Variants in SRRM1 observed in about 807,000 individuals in gnomAD.
SRRM1 encodes the protein serine/arginine repetitive matrix protein 1.
In SRRM1, 19 loss-of-function variants were observed where a neutral mutation model predicts 110.2. The observed-to-expected ratio is 0.17, with a 90% confidence interval of 0.12 to 0.25. SRRM1 has a LOEUF of 0.25. Among genes scored for constraint, SRRM1 ranks in the 10% least tolerant of loss-of-function variants. The pLI is 1.00. For missense variants in SRRM1, 918 were observed against 1,145.8 expected (o/e 0.80, Z 2.87); for synonymous variants, 443 against 414.9 (o/e 1.07, Z -0.82).
intron 12 of SRRM1, chr1:24,663,294 G>T: frequency 8.2e-7 from 1 of 1,219,870 alleles, no homozygotes; most frequent in Non-Finnish European, 1.1e-6. Flanking sequence ...TTCCTATTTA[G>T]GTGACCTCAT....
intron 5 of SRRM1, 43 bp downstream of exon 5, chr1:24,650,129 T>C (rs1659767316): frequency 1.4e-6 from 2 of 1,468,562 alleles, no homozygotes; most frequent in Admixed American, 5.7e-5. Context: ...ACAGGTACTT[T>C]AGGTCTTAAG....
At position 24,661,099 on chromosome 1, in the gene SRRM1, GTAA is replaced by G; in HGVS notation, c.1397-210_1397-208del. On this transcript the variant is annotated intron_variant, in intron 10 of 16. Transcript: ENST00000323848. ...ATGCTTGGCACCAGCCTGACCTGTA[GTAA>G]ATGCCTAAATAAATTTTATTATATT... is the stretch of plus-strand genomic sequence containing the variant. 3 of 546,782 alleles carry G rather than the reference GTAA, an allele frequency of 5.5e-6. No individual in the cohort carries two copies. In the South Asian group the frequency reaches 8.8e-5, roughly 16 times the overall value. The allele number at this position is 546,782 out of a possible 1,614,324, so 33.9% of individuals were successfully genotyped here. A position where few individuals can be genotyped will look rare whatever the true frequency, so the allele number is the denominator to read the frequency against.
intron 1 of SRRM1, 82 bp from the exon 2 acceptor site, chr1:24,645,902 T>C (rs1657244321): frequency 9.3e-7 from 1 of 1,078,368 alleles, no homozygotes; most frequent in Non-Finnish European, 1.4e-6. Flanking sequence ...GGTTACCCTA[T>C]TTTGGCTATA....
At chr1:24,671,254 T>C (rs1672598517) in intron 15 of SRRM1, 132 bp from the exon 16 acceptor site, 4 of 990,134 alleles carry the variant, frequency 4.0e-6, no homozygotes, top group East Asian at 4.8e-5. Context: ...CCTTCCCCAC[T>C]CACACCCTCC....
chr1:24,651,558 C>G lies in SRRM1; in HGVS notation c.671C>G (p.Pro224Arg). 6.2e-7 allele frequency: 1 copy of G among 1,613,896 alleles called. No homozygotes were observed. The highest frequency in any genetic ancestry group is 8.5e-7 in the Non-Finnish European group (1 of 1,180,014). ...AAGAAGGAAAAAACTCCAGAGCTCC[C>G]AGAACCTTCAGTGAAAGTAAAAGAA... ...PEKKEKTPEL[P>R]EPSVKVKEPS... Residue 224 changes from proline to arginine, a missense_variant, in exon 6 of 17, where the codon CCA (proline) becomes CGA (arginine). Coordinates refer to ENST00000323848, the MANE Select transcript of SRRM1 (RefSeq NM_005839.4).
chr1:24,650,205 T>C, intron 5 of SRRM1, 119 bp downstream of exon 5: 8 of 976,690 alleles, frequency 8.2e-6, no homozygotes, highest in Non-Finnish European at 1.1e-5. Flanking sequence ...CATGCAGTTT[T>C]CATGGTGACC....
In SRRM1 at chr1:24,652,638, G is replaced by C; in HGVS notation, c.920+10G>C. The C allele has an allele frequency of 6.3e-7, 1 of 1,586,964 alleles. No homozygotes were observed. Among genetic ancestry groups the C allele is most frequent in the African/African-American group, 1.4e-5 (1 of 73,302 alleles). On this transcript the variant is annotated intron_variant, in intron 7 of 16. Transcript: ENST00000323848. ...ATAGATCCCGATCAAGGTGAGTTGT[G>C]GCTTTAAGATCAACAAAGATCTTAG...
chr1:24,651,691 A>G lies in SRRM1; in HGVS notation c.725+79A>G, dbSNP rs1660749431. 4 of 1,100,080 alleles carry G rather than the reference A, an allele frequency of 3.6e-6. No homozygotes were observed. In the East Asian group the frequency reaches 7.5e-5, roughly 21 times the overall value. The allele number at this position is 1,100,080 out of a possible 1,614,324, so 68.1% of individuals were successfully genotyped here. On this transcript the variant is annotated intron_variant, in intron 6 of 16. Transcript: ENST00000323848. ...CTGCAAATATGACATCTGAGTTAAA[A>G]TAAAACTACTTATTTTCCTTTTAGA...
intron 9 of SRRM1, among the ~76,000 whole-genome samples, chr1:24,657,815 G>A (rs1665008421): frequency 6.6e-6 from 1 of 152,176 alleles, no homozygotes. Context: ...CAATACTGGT[G>A]GTGACGGTGT....
chr1:24,655,014 G>A lies in SRRM1; in HGVS notation c.1200G>A (p.Arg400=), dbSNP rs779537846. 5.0e-6 allele frequency: 8 copies of A among 1,614,000 alleles called. No homozygotes were observed. The highest frequency in any genetic ancestry group is 2.2e-5 in the South Asian group (2 of 91,084). ...PSASPPRRRH[R]PSPPATPPPK... is the part of the protein sequence containing the mutation. ...CAAGTCCTCCAAGGCGAAGGCACAG[G>A]CCATCACCTCCTGCAACTCCACCAC... The change falls in exon 9 of 17, where the codon AGG becomes AGA. Residue 400 remains arginine, a synonymous_variant. Transcript: ENST00000323848.
chr1:24,650,770 T>C (rs942210321), intron 5 of SRRM1: 2 of 152,240 alleles, frequency 1.3e-5, no homozygotes, highest in African/African-American at 2.4e-5. Flanking sequence ...ATGGAAGTAA[T>C]ATTTATAGAG....
At chr1:24,650,552 T>C (rs1414858961) in intron 5 of SRRM1, 2 of 152,320 alleles carry the variant, frequency 1.3e-5, no homozygotes, top group Non-Finnish European at 2.9e-5. Flanking sequence ...ATTTATTTGT[T>C]TTCTTCTTCC....
Position 24,672,457 on chromosome 1 carries a change from C to T in SRRM1, c.*171C>T. On this transcript the variant is annotated 3_prime_UTR_variant, in exon 17 of 17. Transcript: ENST00000323848. ...GGATTTACATTGCAAAAGGTGTCCA[C>T]AGTGTATTAGTGACATTCTTTCATT... 2.0e-6 allele frequency: 1 copy of T among 490,974 alleles called. No homozygotes were observed. The highest frequency in any genetic ancestry group is 2.6e-5 in the South Asian group (1 of 38,818). 30.4% of individuals were successfully genotyped at this position (490,974 alleles called of 1,614,324 possible). A position where few individuals can be genotyped will look rare whatever the true frequency, so the allele number is the denominator to read the frequency against.
intron 8 of SRRM1, among the ~76,000 whole-genome samples, chr1:24,654,515 A>G (rs1662864069): frequency 6.6e-6 from 1 of 152,178 alleles, no homozygotes; most frequent in African/African-American, 2.4e-5. Flanking sequence ...CTTGCCCCCA[A>G]ATTTTATATG....
chr1:24,666,801 TC>T lies in SRRM1; in HGVS notation c.1629-13del. ...AAAAAGAAAAAAAATTAACTATAAT[TC>T]TTCTTGGTTTAGTGGTAGACGGAGG... is the stretch of plus-strand genomic sequence containing the variant. On this transcript the variant is annotated splice_polypyrimidine_tract_variant and intron_variant, in intron 12 of 16. Transcript: ENST00000323848. 6.2e-7 allele frequency: 1 copy of T among 1,606,238 alleles called. No homozygotes were observed. The highest frequency in any genetic ancestry group is 8.5e-7 in the Non-Finnish European group (1 of 1,173,974).
Position 24,643,312 on chromosome 1 carries a change from G to C in SRRM1, c.-15G>C. On this transcript the variant is annotated 5_prime_UTR_variant, in exon 1 of 17. Transcript: ENST00000323848. ...TACCCTGGGATAGGGAGCGATCTCC[G>C]AGCGAGGCGGCAAGATGGACGCGGG... The C allele has an allele frequency of 2.6e-6, 4 of 1,566,056 alleles. No homozygotes were observed. The highest frequency in any genetic ancestry group is 3.4e-6 in the Non-Finnish European group (4 of 1,160,242).
intron 4 of SRRM1, among the ~76,000 whole-genome samples, chr1:24,649,457 T>TA (rs1245279724): frequency 2.0e-5 from 3 of 152,240 alleles, no homozygotes; most frequent in African/African-American, 7.2e-5. Context: ...TAGCTGGGAT[T>TA]ACAGGCGCAC....
chr1:24,669,082 T>G, intron 13 of SRRM1, 41 bp from the exon 14 acceptor site: 1 of 1,548,904 alleles, frequency 6.5e-7, no homozygotes, highest in Non-Finnish European at 8.8e-7. Context: ...GTTTCTGTAT[T>G]TTGTTGAGCC....
intron 12 of SRRM1, among the ~76,000 whole-genome samples, chr1:24,663,914 T>A (rs1313795334): frequency 2.5e-5 from 3 of 120,092 alleles, no homozygotes; most frequent in South Asian, 2.6e-4. Flanking sequence ...ATAATAATAA[T>A]AAATAAAAGC....
Sources: gnomAD v4.1 joint callset for allele counts (sites outside exome capture counted in the v4.1 genomes callset) on GRCh38, gnomAD v4.1.1 for gene constraint, MANE v1.5 for transcripts, NCBI Gene and HGNC (gene_info 2026-07-23, HGNC 2026-07-21) for gene names.